VWDE: variants seen among roughly 807,000 people sequenced by gnomAD.
VWDE encodes the protein von Willebrand factor D and EGF domains.
In VWDE, 207 loss-of-function variants were observed where a neutral mutation model predicts 178.4. That is an observed-to-expected ratio of 1.16 (90% CI 1.04 to 1.30). VWDE has a LOEUF of 1.30. VWDE is among the 50% of genes most tolerant of loss of function. VWDE has a pLI of 0.00. For missense variants in VWDE, 2,287 were observed against 1,901.3 expected (o/e 1.20, Z -3.77); for synonymous variants, 738 against 651.4 (o/e 1.13, Z -2.02).
chr7:12,392,567 T>C (rs1784433788), intron 2 of VWDE, among the ~76,000 whole-genome samples: 1 of 152,154 alleles, frequency 6.6e-6, no homozygotes, highest in Non-Finnish European at 1.5e-5. Flanking sequence ...TAAGTAGAAT[T>C]GTCAATAGAA....
chr7:12,343,064 T>C lies in VWDE; in HGVS notation c.4174+19A>G. 6.5e-7 allele frequency: 1 copy of C among 1,533,432 alleles called. No homozygotes were observed. The highest frequency in any genetic ancestry group is 8.8e-7 in the Non-Finnish European group (1 of 1,132,036). The allele number at this position is 1,533,432 out of a possible 1,614,324, so 95.0% of individuals were successfully genotyped here. ...AGAAGCAGTTTCATTATATCAGACATCAGGAGAGCTTTGCTTACTTGTTTC... is the reference window on the plus strand; with the variant it reads ...AGAAGCAGTTTCATTATATCAGACACCAGGAGAGCTTTGCTTACTTGTTTC... On this transcript the variant is annotated intron_variant, in intron 22 of 28. Coordinates refer to ENST00000275358, the MANE Select transcript of VWDE (RefSeq NM_001135924.3).
Position 12,383,620 on chromosome 7 carries a change from T to G in VWDE, c.476-19A>C, listed in dbSNP as rs1653328146. 3.2e-6 allele frequency: 5 copies of G among 1,547,594 alleles called. No homozygotes were observed. The highest frequency in any genetic ancestry group is 4.4e-6 in the Non-Finnish European group (5 of 1,143,608). On this transcript the variant is annotated intron_variant, in intron 3 of 28. Coordinates refer to ENST00000275358, the MANE Select transcript of VWDE (RefSeq NM_001135924.3). The stretch of plus-strand genomic sequence containing the variant: ...GAAATAGCTGCCAAGGGTTAAGGTT[T>G]GTATAATTATTCAGCTGGGCATGAA...
intron 13 of VWDE, among the ~76,000 whole-genome samples, chr7:12,362,220 T>C (rs868807879): frequency 6.7e-6 from 1 of 149,260 alleles, no homozygotes; most frequent in African/African-American, 2.5e-5. Context: ...GAGACAAACA[T>C]ACACACACAC....
chr7:12,401,301 G>T (rs1437991915), intron 1 of VWDE, among the ~76,000 whole-genome samples: 2 of 151,996 alleles, frequency 1.3e-5, no homozygotes, highest in Admixed American at 1.3e-4. Flanking sequence ...AAATTCTAAG[G>T]AATCAACTAA....
rs1218994420 is a variant in VWDE, at chr7:12,359,703, A to T, written c.3160-11T>A. On this transcript the variant is annotated splice_polypyrimidine_tract_variant and intron_variant, in intron 15 of 28. Coordinates refer to ENST00000275358, the MANE Select transcript of VWDE (RefSeq NM_001135924.3). ...AATGCAAACATTTTCCTAATGGAAA[A>T]TTTTTAAAAAAGAAAACATCAAAGT... The T allele has an allele frequency of 1.3e-6, 2 of 1,509,486 alleles. No homozygotes were observed. The highest frequency in any genetic ancestry group is 1.8e-6 in the Non-Finnish European group (2 of 1,119,198). 93.5% of individuals were successfully genotyped at this position (1,509,486 alleles called of 1,614,324 possible). A position where few individuals can be genotyped will look rare whatever the true frequency, so the allele number is the denominator to read the frequency against.
At chr7:12,403,592 G>T in intron 1 of VWDE, 67 bp downstream of exon 1, 1 of 1,475,412 alleles carries the variant, frequency 6.8e-7, no homozygotes, top group South Asian at 1.3e-5. Flanking sequence ...AAAAAGTCTA[G>T]CCTAGTCCCT....
At chr7:12,337,718 T>C (rs763348082) in intron 24 of VWDE, among the ~76,000 whole-genome samples, 1 of 152,182 alleles carries the variant, frequency 6.6e-6, no homozygotes, top group Non-Finnish European at 1.5e-5. Context: ...TTACTGAGGT[T>C]ATGAAGGCAC....
chr7:12,387,348 T>G (rs1784153912), intron 3 of VWDE, among the ~76,000 whole-genome samples: 1 of 151,986 alleles, frequency 6.6e-6, no homozygotes, highest in Non-Finnish European at 1.5e-5. Flanking sequence ...AAAGATTGCA[T>G]TACAGACTCA....
At position 12,359,593 on chromosome 7, in the gene VWDE, A is replaced by G; in HGVS notation, c.3259T>C (p.Trp1087Arg). 6.5e-7 allele frequency: 1 copy of G among 1,548,490 alleles called. No individual in the cohort carries two copies. Among genetic ancestry groups the G allele is most frequent in the Non-Finnish European group, 8.7e-7 (1 of 1,144,862 alleles). Residue 1087 changes from tryptophan (W) to arginine (R), a missense_variant, in exon 16 of 29, where the codon TGG becomes CGG. Coordinates refer to ENST00000275358, the MANE Select transcript of VWDE (RefSeq NM_001135924.3). ...ICRPKISRFTWSFLENNQPPV... is the reference protein window; with the variant it reads ...ICRPKISRFTRSFLENNQPPV... The stretch of plus-strand genomic sequence containing the variant: ...AGTAACTTACTTTCTAAAAATGACC[A>G]AGTAAATCTTGAAATTTTGGGTCTA...
chr7:12,375,858 G>A (rs1783499698), intron 7 of VWDE, among the ~76,000 whole-genome samples: 1 of 151,832 alleles, frequency 6.6e-6, no homozygotes, highest in African/African-American at 2.4e-5. Context: ...AATTTGGAAA[G>A]GAAATGGTAA....
intron 2 of VWDE, among the ~76,000 whole-genome samples, chr7:12,391,630 G>A (rs540877736): frequency 2.6e-5 from 4 of 152,186 alleles, no homozygotes; most frequent in Admixed American, 2.6e-4. Context: ...TACAAATGAA[G>A]TGTCACAAAA....
intron 15 of VWDE, 143 bp from the exon 16 acceptor site, chr7:12,359,835 T>C (rs1782477192): frequency 3.8e-6 from 2 of 526,186 alleles, no homozygotes; most frequent in Admixed American, 6.6e-5. Flanking sequence ...CGTAAGTGCA[T>C]ATGAGGAAAC....
At chr7:12,382,198 T>C (rs1174123628) in intron 4 of VWDE, among the ~76,000 whole-genome samples, 1 of 151,834 alleles carries the variant, frequency 6.6e-6, no homozygotes, top group African/African-American at 2.4e-5. Flanking sequence ...TTTTAATTAA[T>C]TGCATAAATG....
chr7:12,337,266 C>A lies in VWDE; in HGVS notation c.4373G>T (p.Cys1458Phe). The A allele has an allele frequency of 3.9e-6, 6 of 1,551,776 alleles. No homozygotes were observed. In the South Asian group the frequency reaches 5.9e-5, roughly 15 times the overall value. The change falls in exon 25 of 29, where the codon TGT becomes TTT. Residue 1458 changes from cysteine to phenylalanine, a missense_variant. Physicochemically the swap from Cys to Phe is radical, Grantham distance 205 (BLOSUM62 -2). Transcript: ENST00000275358. ...GCCACCATTCTTACAGGGAGGGTGA[C>A]AGAAAGCTAAAAGAACACATGGCAG... ...FFGEHCQNAF[C>F]HPPCKNGGHC...
chr7:12,332,253 G>A (rs1329194649), intron 28 of VWDE, among the ~76,000 whole-genome samples: 1 of 152,070 alleles, frequency 6.6e-6, no homozygotes, highest in Non-Finnish European at 1.5e-5. Context: ...AGAAGCTTGG[G>A]AGAGCAGGTT....
intron 19 of VWDE, among the ~76,000 whole-genome samples, chr7:12,345,692 G>T (rs111936683): frequency 8.5e-5 from 13 of 152,224 alleles, no homozygotes; most frequent in African/African-American, 3.1e-4. Flanking sequence ...TGTTGTTTGG[G>T]TTCCTGCTTA....
intron 26 of VWDE, among the ~76,000 whole-genome samples, chr7:12,336,662 G>GT (rs1465976086): frequency 2.0e-5 from 3 of 152,018 alleles, no homozygotes; most frequent in Non-Finnish European, 2.9e-5. Context: ...GAACTGGATG[G>GT]TTTGAGGTGG....
rs1329599219 is a variant in VWDE at position 12,373,048 on chromosome 7, A to T, written c.1516T>A (p.Leu506Met). The T allele has an allele frequency of 2.6e-6, 4 of 1,551,284 alleles. No homozygotes were observed. The highest frequency in any genetic ancestry group is 1.7e-4 in the Middle Eastern group (1 of 5,992). The change falls in exon 10 of 29, where the codon TTG becomes ATG. Residue 506 changes from leucine to methionine, a missense_variant. Leu to Met is a conservative substitution (Grantham distance 15). Coordinates refer to ENST00000275358, the MANE Select transcript of VWDE (RefSeq NM_001135924.3). ...NGQLRESQPY[L>M]FIKSQDVTRN... ...GTTACATCTTGGCTTTTTATGAACA[A>T]ATATGGTTGTGATTCACGTAGCTGA...
chr7:12,377,924 G>C lies in VWDE; in HGVS notation c.880-4C>G. The C allele has an allele frequency of 7.3e-7, 1 of 1,377,882 alleles. No individual in the cohort carries two copies. Among genetic ancestry groups the C allele is most frequent in the East Asian group, 2.9e-5 (1 of 34,776 alleles). 85.4% of individuals were successfully genotyped at this position (1,377,882 alleles called of 1,614,324 possible). A position where few individuals can be genotyped will look rare whatever the true frequency, so the allele number is the denominator to read the frequency against. ...TAGTGCTCAATTCAGGCTGTAGCTGGTATAAGAAAATACGTAGAAAAATTA... is the reference window on the plus strand; with the variant it reads ...TAGTGCTCAATTCAGGCTGTAGCTGCTATAAGAAAATACGTAGAAAAATTA... On this transcript the variant is annotated splice_polypyrimidine_tract_variant and splice_region_variant and intron_variant, in intron 6 of 28. Transcript: ENST00000275358.
Sources: gnomAD v4.1 joint callset for allele counts (sites outside exome capture counted in the v4.1 genomes callset) on GRCh38, gnomAD v4.1.1 for gene constraint, MANE v1.5 for transcripts, NCBI Gene and HGNC (gene_info 2026-07-23, HGNC 2026-07-21) for gene names.